The following CDH12 variants were observed in gnomAD, a reference collection of about 807,000 sequenced individuals.
CDH12 encodes cadherin 12, also known as cadherin-12.
Under a neutral mutation model 74.1 loss-of-function variants are expected in CDH12, and 41 were observed. That is an observed-to-expected ratio of 0.55 (90% CI 0.43 to 0.72). CDH12 has a LOEUF of 0.72. Ranked by LOEUF, CDH12 falls within the 30% of genes least tolerant of loss-of-function variation. CDH12 has a pLI of 0.00. For synonymous variants in CDH12, 399 were observed against 355.0 expected (o/e 1.12, Z -1.39); for missense variants, 945 against 977.2 (o/e 0.97, Z 0.44).
chr5:22,634,454 G>C (rs1738732907), intron 1 of CDH12, among the ~76,000 whole-genome samples: 1 of 152,040 alleles, frequency 6.6e-6, no homozygotes, highest in Admixed American at 6.5e-5. Context: ...TACTAATAAA[G>C]ACAAAATATC....
chr5:22,385,773 A>C, intron 3 of CDH12, among the ~76,000 whole-genome samples: 1 of 152,068 alleles, frequency 6.6e-6, no homozygotes, highest in East Asian at 1.9e-4. Flanking sequence ...GCTGTACAAG[A>C]AGCATGACTG....
Position 22,212,535 on chromosome 5 carries a change from C to T in CDH12, c.-224G>A, listed in dbSNP as rs963591435. 6.2e-5 allele frequency: 61 copies of T among 985,268 alleles called. No homozygotes were observed. Among genetic ancestry groups the T allele is most frequent in the Non-Finnish European group, 7.1e-5 (59 of 829,542 alleles). 61.0% of individuals were successfully genotyped at this position (985,268 alleles called of 1,614,324 possible). A position where few individuals can be genotyped will look rare whatever the true frequency, so the allele number is the denominator to read the frequency against. ...TTTCTCTGTGAACGAGGTGAGAAAT[C>T]CGTCAAATCAACCGTGAATGGGGTG... On this transcript the variant is annotated 5_prime_UTR_variant, in exon 4 of 15. Transcript: ENST00000382254.
At chr5:21,939,881 T>C (rs1320295147) in intron 6 of CDH12, among the ~76,000 whole-genome samples, 1 of 152,094 alleles carries the variant, frequency 6.6e-6, no homozygotes, top group Non-Finnish European at 1.5e-5. Context: ...GAAAAAGATA[T>C]TCAAAAAGTG....
intron 1 of CDH12, among the ~76,000 whole-genome samples, chr5:22,515,621 C>G (rs1736777297): frequency 6.6e-6 from 1 of 151,876 alleles, no homozygotes; most frequent in Non-Finnish European, 1.5e-5. Flanking sequence ...ACACTGAAAA[C>G]CTAATATACA....
intron 1 of CDH12, among the ~76,000 whole-genome samples, chr5:22,654,539 C>G (rs1187113737): frequency 6.6e-6 from 1 of 152,100 alleles, no homozygotes; most frequent in South Asian, 2.1e-4. Flanking sequence ...ATCTGCCTGC[C>G]TCGGCCTCCC....
At chr5:21,865,081 TG>T (rs1751256245) in intron 6 of CDH12, among the ~76,000 whole-genome samples, 1 of 152,138 alleles carries the variant, frequency 6.6e-6, no homozygotes, top group African/African-American at 2.4e-5. Flanking sequence ...TTCAAATAAC[TG>T]GTAGAATTGT....
In CDH12 at chr5:21,752,219, C is replaced by T; in HGVS notation, c.1903G>A (p.Val635Ile). The change falls in exon 15 of 15, where the codon GTA becomes ATA. Residue 635 changes from valine to isoleucine, a missense_variant. Val to Ile is a conservative substitution (Grantham distance 29). Coordinates refer to ENST00000382254, the MANE Select transcript of CDH12 (RefSeq NM_004061.5). ...TTTTTCTTCTGCCTTCGCAGTGCTA[C>T]ATACAGTACAACTATGGCTGGAACA... is the stretch of plus-strand genomic sequence containing the variant. ...VILLAIVVLY[V>I]ALRRQKKKDT... is the part of the protein sequence containing the mutation. The T allele has an allele frequency of 1.2e-6, 2 of 1,610,692 alleles. No individual in the cohort carries two copies. Among genetic ancestry groups the T allele is most frequent in the Non-Finnish European group, 1.7e-6 (2 of 1,178,492 alleles).
chr5:22,308,849 C>T (rs1485895644), intron 3 of CDH12, among the ~76,000 whole-genome samples: 1 of 140,916 alleles, frequency 7.1e-6, no homozygotes, highest in Admixed American at 7.0e-5. Flanking sequence ...CACACACATA[C>T]ACACAGAGAG....
chr5:21,903,365 T>C (rs1753487072), intron 6 of CDH12, among the ~76,000 whole-genome samples: 1 of 152,072 alleles, frequency 6.6e-6, no homozygotes, highest in Non-Finnish European at 1.5e-5. Flanking sequence ...GTAAGTACGT[T>C]TGAAAAACGT....
At chr5:22,306,663 TG>T (rs2150424139) in intron 3 of CDH12, among the ~76,000 whole-genome samples, 2 of 152,304 alleles carry the variant, frequency 1.3e-5, no homozygotes, top group African/African-American at 4.8e-5. Context: ...ATTACAGCTC[TG>T]GGTTCTGGGG....
intron 1 of CDH12, among the ~76,000 whole-genome samples, chr5:22,711,854 A>C (rs903108423): frequency 6.6e-6 from 1 of 152,092 alleles, no homozygotes; most frequent in Non-Finnish European, 1.5e-5. Flanking sequence ...CTCTGAAAGG[A>C]ATTCTTGAGG....
At chr5:22,750,414 T>C (rs1745505592) in intron 1 of CDH12, among the ~76,000 whole-genome samples, 1 of 152,112 alleles carries the variant, frequency 6.6e-6, no homozygotes, top group Admixed American at 6.6e-5. Flanking sequence ...ATTCAATAGG[T>C]AAGAACAACG....
chr5:22,325,682 C>G (rs532457727), intron 3 of CDH12, among the ~76,000 whole-genome samples: 1 of 151,944 alleles, frequency 6.6e-6, no homozygotes, highest in African/African-American at 2.4e-5. Flanking sequence ...GTCAGGAGAT[C>G]GAGACCATCC....
intron 1 of CDH12, among the ~76,000 whole-genome samples, chr5:22,730,353 C>A (rs1450934582): frequency 1.3e-5 from 2 of 151,636 alleles, no homozygotes; most frequent in African/African-American, 4.8e-5. Context: ...GCCCCGAGAT[C>A]AGTTTTTCAT....
intron 4 of CDH12, among the ~76,000 whole-genome samples, chr5:22,181,667 AT>A (rs1749652481): frequency 6.6e-6 from 1 of 152,118 alleles, no homozygotes; most frequent in Non-Finnish European, 1.5e-5. Context: ...CACATTTAAT[AT>A]AATGTACACA....
rs747743702 is a variant in CDH12 at position 21,760,693 on chromosome 5, T to C, written c.1516-18A>G. The C allele has an allele frequency of 1.3e-5, 19 of 1,421,860 alleles. No individual in the cohort carries two copies. The highest frequency in any genetic ancestry group is 1.5e-5 in the Non-Finnish European group (15 of 1,005,278). The allele number at this position is 1,421,860 out of a possible 1,614,324, so 88.1% of individuals were successfully genotyped here. ...TGAATTATCTGCAACAGAGTTGAGA[T>C]TAAAGTCGGTCATCAGTTTCAAAGA... On this transcript the variant is annotated intron_variant, in intron 12 of 14. Coordinates refer to ENST00000382254, the MANE Select transcript of CDH12 (RefSeq NM_004061.5).
At position 22,692,136 on chromosome 5, in the gene CDH12, A is replaced by G. The variant is rs546542571; in HGVS notation, c.-523+160922T>C. On this transcript the variant is annotated intron_variant, in intron 1 of 14. Coordinates refer to ENST00000382254, the MANE Select transcript of CDH12 (RefSeq NM_004061.5). ...GTGGTAATGAGTCAGTTCTTGCTCTATTAGTTCCTACAATAACTGATTGTT... is the reference window on the plus strand; with the variant it reads ...GTGGTAATGAGTCAGTTCTTGCTCTGTTAGTTCCTACAATAACTGATTGTT... Among the ~76,000 whole-genome samples the G allele has an allele frequency of 8.5e-5, 13 of 152,244 alleles. No individual in the cohort carries two copies. In the East Asian group the frequency reaches 2.5e-3, roughly 29 times the overall value.
At chr5:22,208,607 T>C (rs1157790515) in intron 4 of CDH12, among the ~76,000 whole-genome samples, 1 of 152,190 alleles carries the variant, frequency 6.6e-6, no homozygotes, top group Non-Finnish European at 1.5e-5. Flanking sequence ...AAGTCAAATA[T>C]TTGTTATTTC....
intron 8 of CDH12, among the ~76,000 whole-genome samples, chr5:21,823,997 A>G (rs1439554197): frequency 1.3e-5 from 2 of 152,234 alleles, no homozygotes; most frequent in East Asian, 1.9e-4. Context: ...TTAAATAATA[A>G]TCCTATGTTC....
Sources: allele counts gnomAD v4.1 joint callset (sites outside exome capture counted in the v4.1 genomes callset), GRCh38; gene constraint gnomAD v4.1.1; transcripts MANE v1.5; gene names NCBI Gene and HGNC (gene_info 2026-07-23, HGNC 2026-07-21).